The following RAD51B variants were observed in gnomAD, a reference collection of about 807,000 sequenced individuals.
The protein encoded by RAD51B is DNA repair protein RAD51 homolog 2.
In RAD51B, 38 loss-of-function variants were observed where a neutral mutation model predicts 42.2. The ratio of observed to expected loss-of-function variants is 0.90; its 90% CI spans 0.70 to 1.18. RAD51B has a LOEUF of 1.18. Ranked by LOEUF, RAD51B falls within the 50% of genes most tolerant of loss-of-function variation. RAD51B has a pLI of 0.00. For missense variants in RAD51B, 373 were observed against 400.7 expected, an observed-to-expected ratio of 0.93 and a Z score of 0.59; for synonymous variants, 154 against 145.2, an observed-to-expected ratio of 1.06 and a Z score of -0.43.
chr14:67,845,997 A>G (rs936874165), intron 4 of RAD51B, among the ~76,000 whole-genome samples: 2 of 152,096 alleles, frequency 1.3e-5, no homozygotes, highest in African/African-American at 4.8e-5. Flanking sequence ...TCAGGTTAGG[A>G]ACCTTCTGTG....
intron 10 of RAD51B, among the ~76,000 whole-genome samples, chr14:68,634,467 T>C (rs1892301323): frequency 1.3e-5 from 2 of 152,094 alleles, no homozygotes; most frequent in South Asian, 4.1e-4. Flanking sequence ...GGAGAGAACG[T>C]GCTCAAAAGC....
exon 11 of RAD51B, chr14:68,595,218 G>A (rs1286180425): frequency 1.9e-6 from 2 of 1,061,452 alleles, no homozygotes; most frequent in East Asian, 4.9e-5. Context: ...AAACATGGAA[G>A]ATGATTTAAA....
At chr14:68,533,631 C>T (rs2525520) in intron 10 of RAD51B, among the ~76,000 whole-genome samples, 128,740 of 152,086 alleles carry the variant, frequency 0.85, 55,719 homozygotes, top group South Asian at 0.95. Context: ...AAGACATAAA[C>T]TGAGATCATC....
chr14:68,010,706 A>G (rs2075669893), intron 7 of RAD51B, among the ~76,000 whole-genome samples: 1 of 151,900 alleles, frequency 6.6e-6, no homozygotes, highest in South Asian at 2.1e-4. Flanking sequence ...AGCTTATACT[A>G]TGGACACTTA....
chr14:67,973,763 G>A lies in RAD51B; in HGVS notation c.756+86559G>A, dbSNP rs80082960. Reference sequence around the variant, plus strand: ...TAGTAGCCTATTTATATTTTAAGTGGCAAAGTTTTAGATTAATTTGGTGTA... The same window carrying A: ...TAGTAGCCTATTTATATTTTAAGTGACAAAGTTTTAGATTAATTTGGTGTA... On this transcript the variant is annotated intron_variant, in intron 7 of 10. Transcript: ENST00000471583. Among the ~76,000 whole-genome samples, 55 of 152,082 alleles carry A rather than the reference G, an allele frequency of 3.6e-4. 1 individual carries two copies. In the East Asian group the frequency reaches 6.6e-3, roughly 18 times the overall value.
intron 5 of RAD51B, among the ~76,000 whole-genome samples, chr14:67,873,202 C>T (rs1220708941): frequency 6.6e-6 from 1 of 152,018 alleles, no homozygotes; most frequent in Admixed American, 6.5e-5. Context: ...TGACAAAGGG[C>T]TAATATCCAG....
chr14:68,410,725 T>C (rs2084393838), intron 8 of RAD51B, among the ~76,000 whole-genome samples: 2 of 152,170 alleles, frequency 1.3e-5, no homozygotes, highest in South Asian at 4.1e-4. Context: ...GAAAGGGTTT[T>C]CTCATGGTGA....
intron 7 of RAD51B, among the ~76,000 whole-genome samples, chr14:68,020,035 G>T (rs1219664675): frequency 2.6e-5 from 4 of 152,164 alleles, no homozygotes; most frequent in Admixed American, 2.0e-4. Context: ...AAGCTTTGGG[G>T]TTCTTATTTT....
intron 8 of RAD51B, among the ~76,000 whole-genome samples, chr14:68,363,628 T>G (rs189597996): frequency 1.1e-3 from 160 of 152,276 alleles, no homozygotes; most frequent in Admixed American, 3.2e-3. Context: ...TTTGCCACCT[T>G]GTGGTTAACA....
intron 5 of RAD51B, among the ~76,000 whole-genome samples, chr14:67,870,062 C>A (rs1490359927): frequency 1.3e-5 from 2 of 150,502 alleles, no homozygotes; most frequent in Non-Finnish European, 3.0e-5. Context: ...ATCATAATGA[C>A]AGGATCAAAT....
chr14:68,245,371 A>T (rs2080474205), intron 7 of RAD51B, among the ~76,000 whole-genome samples: 1 of 152,198 alleles, frequency 6.6e-6, no homozygotes, highest in Admixed American at 6.5e-5. Flanking sequence ...GTGGTGCCTT[A>T]TGTCGGGGCC....
chr14:68,157,904 T>A (rs943758991), intron 7 of RAD51B, among the ~76,000 whole-genome samples: 3 of 152,216 alleles, frequency 2.0e-5, no homozygotes, highest in African/African-American at 7.2e-5. Context: ...CCTTCTAATA[T>A]AAATTTTTAA....
intron 10 of RAD51B, chr14:68,540,137 C>G (rs1292987065): frequency 1.0e-6 from 1 of 986,602 alleles, no homozygotes; most frequent in Non-Finnish European, 1.2e-6. Flanking sequence ...CCAAATGCCT[C>G]CAGGACATGA....
chr14:68,422,426 TG>T (rs1214598301), intron 9 of RAD51B, among the ~76,000 whole-genome samples: 1 of 151,966 alleles, frequency 6.6e-6, no homozygotes, highest in Non-Finnish European at 1.5e-5. Context: ...CCAAGTATGG[TG>T]GCAGACACCT....
At chr14:68,428,189 A>G (rs1011612914) in intron 9 of RAD51B, among the ~76,000 whole-genome samples, 4 of 152,226 alleles carry the variant, frequency 2.6e-5, no homozygotes, top group African/African-American at 9.7e-5. Context: ...GTATTCAGTT[A>G]TAGCAGCACA....
intron 7 of RAD51B, among the ~76,000 whole-genome samples, chr14:67,995,402 A>G (rs1417887209): frequency 1.3e-5 from 2 of 151,936 alleles, no homozygotes; most frequent in East Asian, 3.9e-4. Flanking sequence ...CAACAACAAC[A>G]ACAACAACAA....
intron 7 of RAD51B, among the ~76,000 whole-genome samples, chr14:68,016,949 A>T (rs2075786587): frequency 6.6e-6 from 1 of 152,174 alleles, no homozygotes. Context: ...CTAAATATCT[A>T]ATTTATATAG....
At position 68,136,591 on chromosome 14, in the gene RAD51B, AAAAAAAAAAAG is replaced by A. The variant is rs1167556033; in HGVS notation, c.757-155290_757-155280del. Among the ~76,000 whole-genome samples, 2 of 61,870 alleles carry A rather than the reference AAAAAAAAAAAG, an allele frequency of 3.2e-5. 1 individual carries two copies. The allele number at this position is 61,870 out of a possible 152,430, so 40.6% of individuals were successfully genotyped here. ...ACTCCATCTCAAAAAAAAAAAAAAA[AAAAAAAAAAAG>A]AAGTAGACCAGCCATACTTTTAAAA... On this transcript the variant is annotated intron_variant, in intron 7 of 10. Transcript: ENST00000471583.
At chr14:68,475,099 G>C (rs1390144037) in intron 10 of RAD51B, among the ~76,000 whole-genome samples, 1 of 152,160 alleles carries the variant, frequency 6.6e-6, no homozygotes, top group East Asian at 1.9e-4. Context: ...GGGAGAGAAA[G>C]CATCCCCCAT....
Sources: gnomAD v4.1 joint callset for allele counts (sites outside exome capture counted in the v4.1 genomes callset) on GRCh38, gnomAD v4.1.1 for gene constraint, MANE v1.5 for transcripts, NCBI Gene and HGNC (gene_info 2026-07-23, HGNC 2026-07-21) for gene names.